Variants in ANO5 observed in about 807,000 individuals in gnomAD.
The protein encoded by ANO5 is anoctamin-5.
Under a neutral mutation model 121.0 loss-of-function variants are expected in ANO5, and 109 were observed. The observed-to-expected ratio is 0.90, with a 90% confidence interval of 0.77 to 1.06. ANO5 has a LOEUF of 1.06. ANO5 is among the 50% of genes least tolerant of loss of function. The probability of loss-of-function intolerance (pLI) is 0.00; values close to 1 mark genes in which losing one functional copy is unlikely to be tolerated. For missense variants in ANO5, 1,064 were observed against 1,078.5 expected (o/e 0.99, Z 0.19); for synonymous variants, 406 against 359.9 (o/e 1.13, Z -1.45).
intron 1 of ANO5, among the ~76,000 whole-genome samples, chr11:22,200,683 T>A (rs1851939754): frequency 6.6e-6 from 1 of 152,302 alleles, no homozygotes; most frequent in African/African-American, 2.4e-5. Flanking sequence ...TGTTTTTGCA[T>A]CACCAGTGCA....
At position 22,211,261 on chromosome 11, in the gene ANO5, T is replaced by G; in HGVS notation, c.88-3T>G. Reference sequence around the variant, plus strand: ...GCATTATATCTTCCCCTGGTACTGTTAGCAGAGCCTGAGCAGCAGAGAGAC... The same window carrying G: ...GCATTATATCTTCCCCTGGTACTGTGAGCAGAGCCTGAGCAGCAGAGAGAC... On this transcript the variant is annotated splice_polypyrimidine_tract_variant and splice_region_variant and intron_variant, in intron 2 of 21. Transcript: ENST00000324559. 4 of 1,611,986 alleles carry G rather than the reference T, an allele frequency of 2.5e-6. No homozygotes were observed. Among genetic ancestry groups the G allele is most frequent in the Non-Finnish European group, 3.4e-6 (4 of 1,178,492 alleles).
chr11:22,262,461 ATAAACTTC>A (rs2133748890), intron 16 of ANO5, among the ~76,000 whole-genome samples, 163 bp downstream of exon 16: 1 of 152,352 alleles, frequency 6.6e-6, no homozygotes, highest in South Asian at 2.1e-4. Context: ...CTGTCATTTG[ATAAACTTC>A]TCAGTTTATT....
intron 12 of ANO5, 40 bp from the exon 13 acceptor site, chr11:22,255,331 T>A: frequency 6.7e-7 from 1 of 1,488,062 alleles, no homozygotes; most frequent in African/African-American, 1.4e-5. Context: ...AGTTTTTAAC[T>A]TTTTTAATAT....
At chr11:22,238,411 G>A (rs191183441) in intron 8 of ANO5, among the ~76,000 whole-genome samples, 2 of 151,698 alleles carry the variant, frequency 1.3e-5, no homozygotes, top group Admixed American at 6.6e-5. Context: ...TATGCATGTA[G>A]CCTTTCAGTA....
At chr11:22,209,414 G>A (rs1852213307) in intron 2 of ANO5, among the ~76,000 whole-genome samples, 1 of 151,850 alleles carries the variant, frequency 6.6e-6, no homozygotes, top group African/African-American at 2.4e-5. Flanking sequence ...AGGTTAACTT[G>A]CTCAAGTTTA....
rs76940731 is a variant in ANO5, at chr11:22,249,524, A to G, written c.879-713A>G. On this transcript the variant is annotated intron_variant, in intron 9 of 21. Transcript: ENST00000324559. ...AAGAAAACCTGACTTTCTGAGGAGGAGAAAACTACTTTCTCTCATTCCTAA... is the reference window on the plus strand; with the variant it reads ...AAGAAAACCTGACTTTCTGAGGAGGGGAAAACTACTTTCTCTCATTCCTAA... Among the ~76,000 whole-genome samples, 2,038 of 152,186 alleles carry G rather than the reference A, an allele frequency of 0.013. 144 individuals are homozygous for G. The East Asian group carries it at 0.21, about 15-fold the overall frequency.
intron 17 of ANO5, among the ~76,000 whole-genome samples, chr11:22,265,655 CA>C (rs1053993212): frequency 2.0e-5 from 3 of 151,898 alleles, no homozygotes; most frequent in Non-Finnish European, 4.4e-5. Context: ...TGTTGGTGGT[CA>C]ATTATCCCCA....
rs569121940 is a variant in ANO5 at position 22,193,196 on chromosome 11, C to T, written c.-297C>T. 2.4e-6 allele frequency: 3 copies of T among 1,271,002 alleles called. No homozygotes were observed. The highest frequency in any genetic ancestry group is 6.8e-5 in the Admixed American group (2 of 29,592). The allele number at this position is 1,271,002 out of a possible 1,614,324, so 78.7% of individuals were successfully genotyped here. A position where few individuals can be genotyped will look rare whatever the true frequency, so the allele number is the denominator to read the frequency against. On this transcript the variant is annotated 5_prime_UTR_variant, in exon 1 of 22. Coordinates refer to ENST00000324559, the MANE Select transcript of ANO5 (RefSeq NM_213599.3). ...CTGGGAGAGCGCCCAGGAGCGCTACCGGCTGAGGGTGGGGAAGCGCAGGGC... is the reference window on the plus strand; with the variant it reads ...CTGGGAGAGCGCCCAGGAGCGCTACTGGCTGAGGGTGGGGAAGCGCAGGGC...
At position 22,241,028 on chromosome 11, in the gene ANO5, A is replaced by G. The variant is rs192777602; in HGVS notation, c.878+1344A>G. 7.6e-4 allele frequency among the ~76,000 whole-genome samples: 115 copies of G among 151,628 alleles called. 1 individual carries two copies. Among genetic ancestry groups the G allele is most frequent in the Non-Finnish European group, 1.3e-3 (91 of 67,812 alleles). On this transcript the variant is annotated intron_variant, in intron 9 of 21. Coordinates refer to ENST00000324559, the MANE Select transcript of ANO5 (RefSeq NM_213599.3). ...TAGGCTGTCCCAATTTTTTTATATA[A>G]TTTCAACTTTTTAATTTTAGATTCA...
At chr11:22,214,919 G>T (rs1852392514) in intron 3 of ANO5, among the ~76,000 whole-genome samples, 1 of 151,868 alleles carries the variant, frequency 6.6e-6, no homozygotes, top group African/African-American at 2.4e-5. Context: ...ATTTAATAAT[G>T]CAATTTAAAA....
Position 22,276,143 on chromosome 11 carries a change from A to C in ANO5, c.2464A>C (p.Asn822His). ...TGATGACGAGAATAAATATTTTCAT[A>C]ATATGCAATTCTGGCATGTCCTTGC... ...PPDDENKYFH[N>H]MQFWHVLAAK... Residue 822 changes from asparagine to histidine, a missense_variant, in exon 21 of 22, where the codon AAT becomes CAT. Physicochemically the swap from Asn to His is moderately conservative, Grantham distance 68. Coordinates refer to ENST00000324559, the MANE Select transcript of ANO5 (RefSeq NM_213599.3). 6.2e-7 allele frequency: 1 copy of C among 1,611,634 alleles called. No individual in the cohort carries two copies. Among genetic ancestry groups the C allele is most frequent in the Non-Finnish European group, 8.5e-7 (1 of 1,178,222 alleles).
intron 12 of ANO5, among the ~76,000 whole-genome samples, chr11:22,252,163 G>C (rs1853847189): frequency 6.6e-6 from 1 of 151,458 alleles, no homozygotes; most frequent in South Asian, 2.1e-4. Flanking sequence ...TGGCTGCTGT[G>C]GTCTGAAGAG....
At chr11:22,263,884 T>C (rs1226691889) in intron 17 of ANO5, among the ~76,000 whole-genome samples, 2 of 152,130 alleles carry the variant, frequency 1.3e-5, no homozygotes. Context: ...ACACACAATT[T>C]CATAGTGCCA....
intron 1 of ANO5, among the ~76,000 whole-genome samples, chr11:22,201,135 G>C (rs1851952528): frequency 6.6e-6 from 1 of 152,144 alleles, no homozygotes; most frequent in African/African-American, 2.4e-5. Flanking sequence ...TTTGCACAGT[G>C]CCTGGTGCAT....
At chr11:22,264,046 C>G (rs185436954) in intron 17 of ANO5, among the ~76,000 whole-genome samples, 1,223 of 104,030 alleles carry the variant, frequency 0.012, 22 homozygotes, top group African/African-American at 0.056. Flanking sequence ...TTTTTTGAGA[C>G]AGAGTTACAC....
chr11:22,248,884 A>C (rs1481127123), intron 9 of ANO5, among the ~76,000 whole-genome samples: 1 of 152,010 alleles, frequency 6.6e-6, no homozygotes, highest in Non-Finnish European at 1.5e-5. Context: ...AAAACATTAA[A>C]AATAGACATG....
chr11:22,250,951 T>C lies in ANO5; in HGVS notation c.1120T>C (p.Phe374Leu), dbSNP rs767148480. Residue 374 changes from phenylalanine to leucine, a missense_variant and splice_region_variant, in exon 12 of 22, where the codon TTC becomes CTC. Transcript: ENST00000324559. Reference protein sequence around the residue: ...RLNSTCLASKFSHLFDNESTV... With the variant: ...RLNSTCLASKLSHLFDNESTV... ...GATATTGTTATTGTTATTTTTACAGTTCTCCCATTTGTTTGATAATGAGTC... is the reference window on the plus strand; with the variant it reads ...GATATTGTTATTGTTATTTTTACAGCTCTCCCATTTGTTTGATAATGAGTC... 1 of 1,612,582 alleles carries C rather than the reference T, an allele frequency of 6.2e-7. No homozygotes were observed.
At chr11:22,201,411 T>C (rs1166883830) in intron 1 of ANO5, among the ~76,000 whole-genome samples, 3 of 152,210 alleles carry the variant, frequency 2.0e-5, no homozygotes, top group Non-Finnish European at 4.4e-5. Flanking sequence ...ATATATCAGA[T>C]GCTTTGAACT....
At chr11:22,252,471 T>C (rs1721881391) in intron 12 of ANO5, among the ~76,000 whole-genome samples, 1 of 152,218 alleles carries the variant, frequency 6.6e-6, no homozygotes, top group Admixed American at 6.5e-5. Flanking sequence ...TTGCAGTTAC[T>C]TGATCACAAG....
Sources: allele counts gnomAD v4.1 joint callset (sites outside exome capture counted in the v4.1 genomes callset), GRCh38; gene constraint gnomAD v4.1.1; transcripts MANE v1.5; gene names NCBI Gene and HGNC (gene_info 2026-07-23, HGNC 2026-07-21).